The following TIGAR variants were observed in gnomAD, a reference collection of about 807,000 sequenced individuals.
The protein encoded by TIGAR is fructose-2,6-bisphosphatase TIGAR.
TIGAR carries 7 observed loss-of-function variants against 17.9 expected under a neutral mutation model. That is an observed-to-expected ratio of 0.39 (90% CI 0.22 to 0.73). The LOEUF is 0.73. Among genes scored for constraint, TIGAR ranks in the 30% least tolerant of loss-of-function variants. The pLI, the probability that TIGAR is intolerant of heterozygous loss-of-function variation, is 0.42. For synonymous variants in TIGAR, 94 were observed against 108.6 expected, an observed-to-expected ratio of 0.87 and a Z score of 0.84; for missense variants, 258 against 327.4, an observed-to-expected ratio of 0.79 and a Z score of 1.64.
intron 3 of TIGAR, among the ~76,000 whole-genome samples, chr12:4,349,559 A>G (rs1265399085): frequency 6.6e-6 from 1 of 152,112 alleles, no homozygotes; most frequent in African/African-American, 2.4e-5. Flanking sequence ...CTGGAACTAC[A>G]GGTGCGTGCC....
At chr12:4,346,147 C>T (rs1864777572) in intron 3 of TIGAR, among the ~76,000 whole-genome samples, 1 of 152,214 alleles carries the variant, frequency 6.6e-6, no homozygotes. Context: ...AACACTTTTA[C>T]ACTGTTGGTG....
At chr12:4,328,373 G>A (rs1378121721) in intron 1 of TIGAR, among the ~76,000 whole-genome samples, 1 of 150,604 alleles carries the variant, frequency 6.6e-6, no homozygotes, top group East Asian at 2.0e-4. Context: ...TGTATTTTTA[G>A]TAGACACAGG....
chr12:4,341,462 C>G (rs897258527), intron 3 of TIGAR, among the ~76,000 whole-genome samples: 6 of 152,114 alleles, frequency 3.9e-5, no homozygotes, highest in African/African-American at 1.4e-4. Context: ...CCCTGACCCC[C>G]GAGTAGCTTA....
At chr12:4,331,071 A>G (rs572435365) in intron 1 of TIGAR, among the ~76,000 whole-genome samples, 1 of 152,334 alleles carries the variant, frequency 6.6e-6, no homozygotes, top group East Asian at 1.9e-4. Flanking sequence ...TTTAGTTTGG[A>G]GTAGTTTGAA....
chr12:4,358,305 AAAAG>A lies in TIGAR; in HGVS notation c.*5618_*5621del, dbSNP rs1426579365. Among the ~76,000 whole-genome samples, 12 of 152,098 alleles carry A rather than the reference AAAAG, an allele frequency of 7.9e-5. 1 individual carries two copies. The highest frequency in any genetic ancestry group is 6.2e-4 in the South Asian group (3 of 4,824). On this transcript the variant is annotated 3_prime_UTR_variant, in exon 6 of 6. Coordinates refer to ENST00000179259, the MANE Select transcript of TIGAR (RefSeq NM_020375.3). ...GCGTCTCCAAAAAAAAAAAAAAAGA[AAAAG>A]AAAAATCACTGAGCTACTGTATCCT...
chr12:4,352,171 A>G, intron 5 of TIGAR, 89 bp from the exon 6 acceptor site: 1 of 1,143,230 alleles, frequency 8.7e-7, no homozygotes. Flanking sequence ...TCAATATTAG[A>G]AAAAAATCCA....
chr12:4,347,074 C>G (rs1485993585), intron 3 of TIGAR, among the ~76,000 whole-genome samples: 2 of 152,146 alleles, frequency 1.3e-5, no homozygotes, highest in African/African-American at 4.8e-5. Flanking sequence ...GAAAGGAAAT[C>G]AGGATATTGA....
chr12:4,358,463 A>C lies in TIGAR; in HGVS notation c.*5772A>C. 6.6e-6 allele frequency among the ~76,000 whole-genome samples: 1 copy of C among 152,252 alleles called. No individual in the cohort carries two copies. Among genetic ancestry groups the C allele is most frequent in the East Asian group, 1.9e-4 (1 of 5,182 alleles). On this transcript the variant is annotated 3_prime_UTR_variant, in exon 6 of 6. Coordinates refer to ENST00000179259, the MANE Select transcript of TIGAR (RefSeq NM_020375.3). ...GGCTGTATACTCTTCACACTTATTC[A>C]CCACTTGCTTACCTGTTGTCCCACT... is the stretch of plus-strand genomic sequence containing the variant.
chr12:4,333,477 T>G (rs890355179), intron 2 of TIGAR, among the ~76,000 whole-genome samples: 1 of 151,684 alleles, frequency 6.6e-6, no homozygotes, highest in Non-Finnish European at 1.5e-5. Flanking sequence ...TTTTATTTAT[T>G]TATTTATTTT....
intron 2 of TIGAR, 81 bp downstream of exon 2, chr12:4,331,398 G>A: frequency 7.7e-7 from 1 of 1,296,004 alleles, no homozygotes; most frequent in South Asian, 1.2e-5. Context: ...GGTGGGGTGG[G>A]GTAGACTGGG....
At position 4,355,260 on chromosome 12, in the gene TIGAR, A is replaced by G. The variant is rs2120702061; in HGVS notation, c.*2569A>G. Among the ~76,000 whole-genome samples the G allele has an allele frequency of 6.6e-6, 1 of 152,200 alleles. No individual in the cohort carries two copies. Among genetic ancestry groups the G allele is most frequent in the African/African-American group, 2.4e-5 (1 of 41,516 alleles). ...TAATTTTTTTTTTCATGTGGTTGAA[A>G]CAGTTATCCCAACACCATTGTAAAG... is the stretch of plus-strand genomic sequence containing the variant. On this transcript the variant is annotated 3_prime_UTR_variant, in exon 6 of 6. Coordinates refer to ENST00000179259, the MANE Select transcript of TIGAR (RefSeq NM_020375.3).
At chr12:4,339,502 A>G (rs1864696667) in intron 3 of TIGAR, among the ~76,000 whole-genome samples, 2 of 152,228 alleles carry the variant, frequency 1.3e-5, no homozygotes, top group Non-Finnish European at 2.9e-5. Flanking sequence ...TACTGAAACT[A>G]TTCCATAAAA....
chr12:4,350,913 T>C (rs1305166536), intron 4 of TIGAR, among the ~76,000 whole-genome samples: 2 of 152,202 alleles, frequency 1.3e-5, no homozygotes, highest in Non-Finnish European at 2.9e-5. Context: ...GTGTAGTATG[T>C]GTGGATGGGA....
Position 4,352,929 on chromosome 12 carries a change from T to C in TIGAR, c.*238T>C. ...TTACCACCCTGCTAGATGTCATCTC[T>C]GGATTGCACATGGATGATGAAGGAA... On this transcript the variant is annotated 3_prime_UTR_variant, in exon 6 of 6. Coordinates refer to ENST00000179259, the MANE Select transcript of TIGAR (RefSeq NM_020375.3). 2.1e-6 allele frequency: 1 copy of C among 476,146 alleles called. No individual in the cohort carries two copies. The allele number at this position is 476,146 out of a possible 1,614,324, so 29.5% of individuals were successfully genotyped here.
intron 3 of TIGAR, among the ~76,000 whole-genome samples, chr12:4,341,616 C>A (rs1340717241): frequency 6.6e-6 from 1 of 152,202 alleles, no homozygotes; most frequent in Admixed American, 6.5e-5. Context: ...ACTGCTGATA[C>A]CCAGGCAAAC....
At chr12:4,326,943 T>C (rs189986854) in intron 1 of TIGAR, among the ~76,000 whole-genome samples, 58 of 152,312 alleles carry the variant, frequency 3.8e-4, no homozygotes, top group African/African-American at 1.3e-3. Context: ...GGGTGCTTCT[T>C]TGGCTTTGGC....
At chr12:4,343,094 C>G (rs1278310719) in intron 3 of TIGAR, among the ~76,000 whole-genome samples, 2 of 152,122 alleles carry the variant, frequency 1.3e-5, no homozygotes, top group African/African-American at 4.8e-5. Flanking sequence ...GTTCTAGTCT[C>G]TGATAAAATG....
intron 1 of TIGAR, among the ~76,000 whole-genome samples, chr12:4,326,586 GTT>G (rs1415910282): frequency 1.3e-5 from 2 of 152,182 alleles, no homozygotes; most frequent in East Asian, 3.9e-4. Flanking sequence ...AGCAGCCTCT[GTT>G]GATATATGGC....
At chr12:4,324,728 CGT>C in intron 1 of TIGAR, 1 of 1,574 alleles carries the variant, frequency 6.4e-4, no homozygotes, top group South Asian at 0.045. Flanking sequence ...TCGCAGGACA[CGT>C]CCCGTCCCGC....
Sources: allele counts gnomAD v4.1 joint callset (sites outside exome capture counted in the v4.1 genomes callset), GRCh38; gene constraint gnomAD v4.1.1; transcripts MANE v1.5; gene names NCBI Gene and HGNC (gene_info 2026-07-23, HGNC 2026-07-21).